The following LMX1A variants were observed in gnomAD, a reference collection of about 807,000 sequenced individuals.
LMX1A encodes the protein LIM homeobox transcription factor 1 alpha.
In LMX1A, 15 loss-of-function variants were observed where a neutral mutation model predicts 49.1. That is an observed-to-expected ratio of 0.31 (90% CI 0.20 to 0.47). LMX1A has a LOEUF of 0.47. Among genes scored for constraint, LMX1A ranks in the 20% least tolerant of loss-of-function variants. The pLI, the probability that LMX1A is intolerant of heterozygous loss-of-function variation, is 1.00. For missense variants in LMX1A, 372 were observed against 475.8 expected (o/e 0.78, Z 2.03); for synonymous variants, 167 against 185.7 (o/e 0.90, Z 0.82).
intron 2 of LMX1A, among the ~76,000 whole-genome samples, chr1:165,354,223 G>C (rs1309707892): frequency 6.6e-6 from 1 of 152,048 alleles, no homozygotes; most frequent in Non-Finnish European, 1.5e-5. Context: ...CCCATTTCCC[G>C]GCTGCACTCT....
At chr1:165,343,386 C>T (rs1047661114) in intron 3 of LMX1A, among the ~76,000 whole-genome samples, 2 of 149,706 alleles carry the variant, frequency 1.3e-5, no homozygotes, top group South Asian at 4.3e-4. Context: ...TAAGCTTTTA[C>T]TCATATATAA....
chr1:165,354,185 TC>T (rs1034867819), intron 2 of LMX1A, among the ~76,000 whole-genome samples: 2 of 151,982 alleles, frequency 1.3e-5, no homozygotes, highest in African/African-American at 4.8e-5. Flanking sequence ...CTTGCCCTTG[TC>T]CCCCCAGTAC....
intron 3 of LMX1A, among the ~76,000 whole-genome samples, chr1:165,271,206 TAAG>T (rs1282338193): frequency 2.6e-5 from 4 of 152,032 alleles, no homozygotes; most frequent in Non-Finnish European, 5.9e-5. Context: ...GCTCTGTGAG[TAAG>T]AAGTAAACAA....
At chr1:165,289,468 G>A (rs1321982992) in intron 3 of LMX1A, among the ~76,000 whole-genome samples, 1 of 152,232 alleles carries the variant, frequency 6.6e-6, no homozygotes, top group Non-Finnish European at 1.5e-5. Context: ...AAGAAGGGTT[G>A]CCAAGGCTCC....
intron 4 of LMX1A, among the ~76,000 whole-genome samples, chr1:165,228,821 A>G (rs900139365): frequency 3.3e-5 from 5 of 152,168 alleles, no homozygotes; most frequent in Admixed American, 3.3e-4. Flanking sequence ...GGCCACATGC[A>G]AAAACCAGAG....
chr1:165,242,790 C>A (rs1652700849), intron 4 of LMX1A, among the ~76,000 whole-genome samples: 1 of 151,126 alleles, frequency 6.6e-6, no homozygotes, highest in African/African-American at 2.4e-5. Context: ...GTAAAGATAA[C>A]ATTTAGGCGG....
intron 5 of LMX1A, among the ~76,000 whole-genome samples, chr1:165,212,205 C>T (rs961497582): frequency 8.5e-5 from 13 of 152,258 alleles, no homozygotes; most frequent in Admixed American, 2.0e-4. Flanking sequence ...TCCCCTGCTC[C>T]GTGGTGGGTG....
chr1:165,313,471 C>CTTTTTTTTTTTTTTT (rs34912339), intron 3 of LMX1A, among the ~76,000 whole-genome samples: 85 of 114,810 alleles, frequency 7.4e-4, no homozygotes, highest in Non-Finnish European at 1.1e-3. Flanking sequence ...CACCTTCTTC[C>CTTTTTTTTTTTTTTT]TTTTTTTTTT....
At chr1:165,305,507 C>T (rs1654896467) in intron 3 of LMX1A, among the ~76,000 whole-genome samples, 1 of 152,186 alleles carries the variant, frequency 6.6e-6, no homozygotes, top group South Asian at 2.1e-4. Flanking sequence ...AAATAAACCT[C>T]TCCACTCAGG....
At chr1:165,345,532 C>T (rs1377880140) in intron 3 of LMX1A, among the ~76,000 whole-genome samples, 2 of 31,818 alleles carry the variant, frequency 6.3e-5, no homozygotes, top group African/African-American at 1.2e-4. Context: ...CCCACCAAAA[C>T]ACACCCACCT....
chr1:165,258,154 A>G (rs1313642617), intron 3 of LMX1A, among the ~76,000 whole-genome samples: 1 of 152,236 alleles, frequency 6.6e-6, no homozygotes, highest in Non-Finnish European at 1.5e-5. Flanking sequence ...TGCCATGTTG[A>G]CTTGGTAACT....
chr1:165,224,920 A>G (rs1205164035), intron 4 of LMX1A, among the ~76,000 whole-genome samples: 1 of 152,238 alleles, frequency 6.6e-6, no homozygotes, highest in African/African-American at 2.4e-5. Flanking sequence ...TGCTACCAAC[A>G]GTCCACCTTC....
intron 4 of LMX1A, among the ~76,000 whole-genome samples, chr1:165,247,404 G>C (rs1652900014): frequency 6.6e-6 from 1 of 152,132 alleles, no homozygotes; most frequent in African/African-American, 2.4e-5. Context: ...GGAGGAAAAT[G>C]ACAGGGTAAA....
intron 3 of LMX1A, among the ~76,000 whole-genome samples, chr1:165,351,046 A>G (rs1000656358): frequency 1.3e-5 from 2 of 152,228 alleles, no homozygotes; most frequent in Non-Finnish European, 2.9e-5. Context: ...TGGAAGGGAC[A>G]TTGTTGTGTT....
intron 4 of LMX1A, among the ~76,000 whole-genome samples, chr1:165,243,990 C>T (rs183371882): frequency 1.1e-3 from 169 of 152,306 alleles, no homozygotes; most frequent in African/African-American, 3.9e-3. Flanking sequence ...CTTTCAGCCC[C>T]AGCCCCTAAC....
At position 165,203,784 on chromosome 1, in the gene LMX1A, A is replaced by T; in HGVS notation, c.*96T>A. 8.2e-7 allele frequency: 1 copy of T among 1,212,350 alleles called. No individual in the cohort carries two copies. Among genetic ancestry groups the T allele is most frequent in the Non-Finnish European group, 1.2e-6 (1 of 842,046 alleles). The allele number at this position is 1,212,350 out of a possible 1,614,324, so 75.1% of individuals were successfully genotyped here. ...CCCAACAAAACTCCCTCCCCAACCC[A>T]CCTCTTCCCTGGCCTCCCTGTCCTA... On this transcript the variant is annotated 3_prime_UTR_variant, in exon 9 of 9. Transcript: ENST00000342310.
At chr1:165,353,315 C>A in intron 2 of LMX1A, 53 bp from the exon 3 acceptor site, 2 of 1,487,962 alleles carry the variant, frequency 1.3e-6, no homozygotes, top group African/African-American at 1.4e-5. Flanking sequence ...GTAGACCATG[C>A]CAAACCTGGC....
rs1337930700 is a variant in LMX1A at position 165,206,096 on chromosome 1, G to A, written c.818-62C>T. On this transcript the variant is annotated intron_variant, in intron 7 of 8. Transcript: ENST00000342310. ...TGCAGCCTGGCATGTGATTTCCCTG[G>A]GTCCTGATTCCCTCATTTATAAAAT... 1.3e-5 allele frequency: 19 copies of A among 1,409,976 alleles called. No homozygotes were observed. The Middle Eastern group carries it at 5.7e-4, about 43-fold the overall frequency. 87.3% of individuals were successfully genotyped at this position (1,409,976 alleles called of 1,614,324 possible). A position where few individuals can be genotyped will look rare whatever the true frequency, so the allele number is the denominator to read the frequency against.
chr1:165,243,525 T>C (rs1041657946), intron 4 of LMX1A, among the ~76,000 whole-genome samples: 5 of 152,186 alleles, frequency 3.3e-5, no homozygotes, highest in African/African-American at 9.7e-5. Flanking sequence ...AGTATTTTCA[T>C]AGATAGAAAA....
Sources: allele counts gnomAD v4.1 joint callset (sites outside exome capture counted in the v4.1 genomes callset), GRCh38; gene constraint gnomAD v4.1.1; transcripts MANE v1.5; gene names NCBI Gene and HGNC (gene_info 2026-07-23, HGNC 2026-07-21).